Variants in RPAP1 observed in about 807,000 individuals in gnomAD.
The protein encoded by RPAP1 is RNA polymerase II associated protein 1, also known as RNA polymerase II-associated protein 1.
RPAP1 carries 109 observed loss-of-function variants against 142.4 expected under a neutral mutation model. The ratio of observed to expected loss-of-function variants is 0.77; its 90% CI spans 0.66 to 0.90. The LOEUF (loss-of-function observed/expected upper bound fraction) is 0.90, where lower values mean the gene tolerates loss of function less well. Ranked by LOEUF, RPAP1 falls within the 40% of genes least tolerant of loss-of-function variation. RPAP1 has a pLI of 0.00. For synonymous variants in RPAP1, 704 were observed against 738.9 expected (o/e 0.95, Z 0.77); for missense variants, 1,546 against 1,751.7 (o/e 0.88, Z 2.10).
Position 41,527,009 on chromosome 15 carries a change from C to A in RPAP1, c.1806G>T (p.Trp602Cys), listed in dbSNP as rs775522329. Reference protein sequence around the residue: ...TIVREFLPTSWSPVGAGPTPS... With the variant: ...TIVREFLPTSCSPVGAGPTPS... ...GGGTAGGCCCTGCCCCCACAGGAGA[C>A]CAACTGGTGGGCAAGAACTCTCGAA... Residue 602 changes from tryptophan to cysteine, a missense_variant, in exon 14 of 25, where the codon TGG becomes TGT. Physicochemically the swap from Trp to Cys is radical, Grantham distance 215. Coordinates refer to ENST00000304330, the MANE Select transcript of RPAP1 (RefSeq NM_015540.4). The A allele has an allele frequency of 1.9e-6, 3 of 1,614,220 alleles. No homozygotes were observed. Among genetic ancestry groups the A allele is most frequent in the Non-Finnish European group, 2.5e-6 (3 of 1,180,034 alleles).
chr15:41,523,713 G>T, intron 17 of RPAP1, 58 bp downstream of exon 17: 11 of 1,423,912 alleles, frequency 7.7e-6, no homozygotes, highest in Non-Finnish European at 1.1e-5. Context: ...GCAACGGGTG[G>T]AATGTAGCTG....
chr15:41,523,709 G>T, intron 17 of RPAP1, 62 bp downstream of exon 17: 1 of 1,391,838 alleles, frequency 7.2e-7, no homozygotes, highest in Non-Finnish European at 9.9e-7. Context: ...GGGAGCAACG[G>T]GTGGAATGTA....
chr15:41,524,979 G>A lies in RPAP1; in HGVS notation c.2075+12C>T. 1 of 1,612,058 alleles carries A rather than the reference G, an allele frequency of 6.2e-7. No individual in the cohort carries two copies. The highest frequency in any genetic ancestry group is 1.3e-5 in the African/African-American group (1 of 74,922). On this transcript the variant is annotated intron_variant, in intron 15 of 24. Coordinates refer to ENST00000304330, the MANE Select transcript of RPAP1 (RefSeq NM_015540.4). ...GGTGTCTAGGGGGAGCCTACCCCCT[G>A]CCTCTCCTCACCTGTAAAGGTAACC...
chr15:41,522,143 A>G lies in RPAP1; in HGVS notation c.2850T>C (p.His950=), dbSNP rs570145637. The change falls in exon 20 of 25, where the codon CAT becomes CAC. Residue 950 remains histidine, a synonymous_variant. Coordinates refer to ENST00000304330, the MANE Select transcript of RPAP1 (RefSeq NM_015540.4). The part of the protein sequence containing the change: ...LTPFSAWALR[H]EYHLQYLALA... ...GTGCCAGGTACTGCAGGTGGTACTC[A>G]TGGCGCAGGGCCCATGCAGAGAAAG... 15 of 1,613,950 alleles carry G rather than the reference A, an allele frequency of 9.3e-6. No homozygotes were observed. The South Asian group carries it at 1.1e-4, about 12-fold the overall frequency.
chr15:41,532,169 G>A (rs1040008538), intron 6 of RPAP1, among the ~76,000 whole-genome samples: 1 of 151,542 alleles, frequency 6.6e-6, no homozygotes, highest in Non-Finnish European at 1.5e-5. Context: ...CTACAGGCGT[G>A]TGCCACCACG....
At chr15:41,541,400 G>C (rs2051970789) in intron 1 of RPAP1, among the ~76,000 whole-genome samples, 1 of 149,600 alleles carries the variant, frequency 6.7e-6, no homozygotes, top group Admixed American at 6.7e-5. Flanking sequence ...TCCAGCTTGG[G>C]TGACAGAGCT....
chr15:41,540,304 AT>A lies in RPAP1; in HGVS notation c.-76-3104del, dbSNP rs67194473. Among the ~76,000 whole-genome samples the A allele has an allele frequency of 5.7e-4, 82 of 144,822 alleles. No homozygotes were observed. The South Asian group carries it at 6.7e-3, about 12-fold the overall frequency. ...ACAGCCTAGGAGGTAGGTTACTACT[AT>A]TTTTTTTTTTTTTGAGATGGAGTTT... On this transcript the variant is annotated intron_variant, in intron 1 of 24. Coordinates refer to ENST00000304330, the MANE Select transcript of RPAP1 (RefSeq NM_015540.4).
Position 41,535,551 on chromosome 15 carries a change from A to T in RPAP1, c.502T>A (p.Ser168Thr). 6.2e-7 allele frequency: 1 copy of T among 1,613,676 alleles called. No homozygotes were observed. The highest frequency in any genetic ancestry group is 8.5e-7 in the Non-Finnish European group (1 of 1,179,874). Residue 168 changes from serine to threonine, a missense_variant, in exon 5 of 25, where the codon TCA (serine) becomes ACA (threonine). Ser to Thr is a moderately conservative substitution (Grantham distance 58). Transcript: ENST00000304330. ...ARRIAEAKGP[S>T]VGEVVPNVGP... is the part of the protein sequence containing the mutation. ...ACGTTGGGCACAACTTCCCCAACTG[A>T]TGGGCCCTTGGCTTCAGCTATCCTC...
chr15:41,530,986 T>C, intron 7 of RPAP1, 37 bp downstream of exon 7: 2 of 1,581,780 alleles, frequency 1.3e-6, no homozygotes, highest in Non-Finnish European at 1.7e-6. Context: ...TTCCCCTACT[T>C]TTATCCACCA....
rs1298473743 is a variant in RPAP1 at position 41,531,646 on chromosome 15, T to A, written c.764-444A>T. Among the ~76,000 whole-genome samples, 22 of 85,324 alleles carry A rather than the reference T, an allele frequency of 2.6e-4. 1 individual carries two copies. The highest frequency in any genetic ancestry group is 9.4e-4 in the Admixed American group (8 of 8,482). 56.0% of individuals were successfully genotyped at this position (85,324 alleles called of 152,430 possible). ...ATATATATTTTTTTTTTTTTTTTTTTTTTTTTTTTTTTGAGACGGAATCTC... is the reference window on the plus strand; with the variant it reads ...ATATATATTTTTTTTTTTTTTTTTTATTTTTTTTTTTTGAGACGGAATCTC... On this transcript the variant is annotated intron_variant, in intron 6 of 24. Coordinates refer to ENST00000304330, the MANE Select transcript of RPAP1 (RefSeq NM_015540.4).
At chr15:41,539,964 CG>C (rs2051954796) in intron 1 of RPAP1, among the ~76,000 whole-genome samples, 1 of 151,890 alleles carries the variant, frequency 6.6e-6, no homozygotes, top group Non-Finnish European at 1.5e-5. Context: ...ACCTGGGAGG[CG>C]GAGGCTGCAG....
Position 41,531,078 on chromosome 15 carries a change from CAT to C in RPAP1, c.886_887del (p.Met296ValfsTer6). The C allele has an allele frequency of 6.2e-7, 1 of 1,614,054 alleles. No homozygotes were observed. The highest frequency in any genetic ancestry group is 1.1e-5 in the South Asian group (1 of 91,082). On this transcript the variant is annotated frameshift_variant, in exon 7 of 25. Transcript: ENST00000304330. LOFTEE classifies it high-confidence loss of function. ...SANVTKEEPL[M>X]SAFASEPRKR... ...TCCTGGGCTCACTGGCAAAAGCTGA[CAT>C]GAGGGGTTCCTCCTTGGTGACATTA...
In RPAP1 at chr15:41,536,387, GTAAAAGTCTACCTTTCT is replaced by G. The variant is rs2051907583; in HGVS notation, c.330+97_330+113del. ...CCCAGCCCCCAACCTGACCTCAGGGGTAAAAGTCTACCTTTCTGAAGCACCCTCCACTGATAAGCCTC... is the reference window on the plus strand; with the variant it reads ...CCCAGCCCCCAACCTGACCTCAGGGGGAAGCACCCTCCACTGATAAGCCTC... On this transcript the variant is annotated intron_variant, in intron 3 of 24. Transcript: ENST00000304330. 9 of 1,444,250 alleles carry G rather than the reference GTAAAAGTCTACCTTTCT, an allele frequency of 6.2e-6. No homozygotes were observed. In the African/African-American group the frequency reaches 9.8e-5, roughly 16 times the overall value. The allele number at this position is 1,444,250 out of a possible 1,614,324, so 89.5% of individuals were successfully genotyped here. A position where few individuals can be genotyped will look rare whatever the true frequency, so the allele number is the denominator to read the frequency against.
At position 41,522,211 on chromosome 15, in the gene RPAP1, A is replaced by G. The variant is rs147913656; in HGVS notation, c.2782T>C (p.Phe928Leu). Residue 928 changes from phenylalanine (F) to leucine (L), a missense_variant, in exon 20 of 25, where the codon TTC (phenylalanine) becomes CTC (leucine). Coordinates refer to ENST00000304330, the MANE Select transcript of RPAP1 (RefSeq NM_015540.4). ...GCCCCAGGAGCCACACACTGGAGGAAGTAATTCTGGAGTCCCGGGGCAGCC... is the reference window on the plus strand; with the variant it reads ...GCCCCAGGAGCCACACACTGGAGGAGGTAATTCTGGAGTCCCGGGGCAGCC... Reference protein sequence around the residue: ...ILAAPGLQNYFLQCVAPGAAP... With the variant: ...ILAAPGLQNYLLQCVAPGAAP... 1.0e-3 allele frequency: 1,636 copies of G among 1,614,060 alleles called. 4 individuals carry two copies. Among genetic ancestry groups the G allele is most frequent in the Middle Eastern group, 7.2e-3 (43 of 6,002 alleles).
At chr15:41,534,540 C>T (rs1444052760) in intron 6 of RPAP1, among the ~76,000 whole-genome samples, 174 bp downstream of exon 6, 6 of 132,168 alleles carry the variant, frequency 4.5e-5, no homozygotes, top group African/African-American at 1.8e-4. Flanking sequence ...GAGCCGAGAT[C>T]GTGCCACTGC....
At position 41,534,854 on chromosome 15, in the gene RPAP1, T is replaced by A; in HGVS notation, c.623A>T (p.Asn208Ile). The change falls in exon 6 of 25, where the codon AAT (asparagine) becomes ATT (isoleucine). Residue 208 changes from asparagine to isoleucine, a missense_variant. Transcript: ENST00000304330. ...CCTGAGCCCCTTCCCTGTGACCAGA[T>A]TGGGTCCCTGAAAGCTGTGGCTGCT... ...PGSSHSFQGPNLVTGKGLRDQ... is the reference protein window; with the variant it reads ...PGSSHSFQGPILVTGKGLRDQ... 2 of 1,614,194 alleles carry A rather than the reference T, an allele frequency of 1.2e-6. No homozygotes were observed. The highest frequency in any genetic ancestry group is 2.2e-5 in the South Asian group (2 of 91,086).
intron 14 of RPAP1, among the ~76,000 whole-genome samples, chr15:41,526,255 A>C (rs1402368152): frequency 6.6e-6 from 1 of 151,998 alleles, no homozygotes; most frequent in East Asian, 1.9e-4. Context: ...GGCCAGTAGT[A>C]GTATTTTTGA....
chr15:41,536,825 C>T, intron 2 of RPAP1, 120 bp downstream of exon 2: 2 of 1,397,784 alleles, frequency 1.4e-6, no homozygotes, highest in East Asian at 2.3e-5. Flanking sequence ...GCTGCAGAAA[C>T]ACAGGCTATG....
At position 41,522,260 on chromosome 15, in the gene RPAP1, A is replaced by G; in HGVS notation, c.2743-10T>C. The G allele has an allele frequency of 6.2e-7, 1 of 1,612,762 alleles. No individual in the cohort carries two copies. Among genetic ancestry groups the G allele is most frequent in the Non-Finnish European group, 8.5e-7 (1 of 1,179,552 alleles). On this transcript the variant is annotated splice_polypyrimidine_tract_variant and intron_variant, in intron 19 of 24. Transcript: ENST00000304330. ...CCAATATGGCAGCCAGCTGAGGAAA[A>G]GCAATTTTGTTCAGATCTAGAAATT...
Sources: allele counts gnomAD v4.1 joint callset (sites outside exome capture counted in the v4.1 genomes callset), GRCh38; gene constraint gnomAD v4.1.1; transcripts MANE v1.5; gene names NCBI Gene and HGNC (gene_info 2026-07-23, HGNC 2026-07-21).